The following CD59 variants were observed in gnomAD, a reference collection of about 807,000 sequenced individuals.
CD59 encodes the protein CD59 glycoprotein.
CD59 carries 3 observed loss-of-function variants against 7.0 expected under a neutral mutation model. The observed-to-expected ratio is 0.43, with a 90% CI of 0.19 to 1.10. The LOEUF is 1.10. Among genes scored for constraint, CD59 ranks in the 50% least tolerant of loss-of-function variants. CD59 has a pLI of 0.29. For synonymous variants in CD59, 60 were observed against 62.0 expected, an observed-to-expected ratio of 0.97 and a Z score of 0.15; for missense variants, 143 against 151.0, an observed-to-expected ratio of 0.95 and a Z score of 0.28.
intron 2 of CD59, among the ~76,000 whole-genome samples, chr11:33,720,814 G>A (rs1441194751): frequency 6.6e-6 from 1 of 152,206 alleles, no homozygotes; most frequent in South Asian, 2.1e-4. Flanking sequence ...GGTAGACGAG[G>A]TTTCCCCTGG....
In CD59 at chr11:33,705,274, C is replaced by T. The variant is rs1412224576; in HGVS notation, c.*4852G>A. ...TAGGTCTGTCAGAATTTTCTGTCCA[C>T]AAGCAACAGAAGCTTACACTGAGAA... is the stretch of plus-strand genomic sequence containing the variant. On this transcript the variant is annotated 3_prime_UTR_variant, in exon 4 of 4. Transcript: ENST00000642928. 1 of 152,214 alleles carries T rather than the reference C, an allele frequency of 6.6e-6. No homozygotes were observed. The allele number at this position is 152,214 out of a possible 1,614,324, so 9.4% of individuals were successfully genotyped here.
intron 3 of CD59, chr11:33,711,568 T>C (rs1438972094): frequency 1.7e-6 from 1 of 585,288 alleles, no homozygotes; most frequent in Non-Finnish European, 3.0e-6. Context: ...TCTTAGCTAC[T>C]TGGGAGGCTG....
At chr11:33,713,677 T>C (rs1017069090) in intron 3 of CD59, among the ~76,000 whole-genome samples, 2 of 152,214 alleles carry the variant, frequency 1.3e-5, no homozygotes, top group South Asian at 2.1e-4. Context: ...GAATTTTAAT[T>C]AGGGAAGCCT....
intron 1 of CD59, among the ~76,000 whole-genome samples, chr11:33,724,515 AC>A (rs1486251312): frequency 6.6e-6 from 1 of 152,194 alleles, no homozygotes; most frequent in African/African-American, 2.4e-5. Flanking sequence ...ACTGCATAGC[AC>A]AATGCCTGGC....
chr11:33,724,684 TG>T (rs1854201253), intron 1 of CD59, among the ~76,000 whole-genome samples: 1 of 152,050 alleles, frequency 6.6e-6, no homozygotes, highest in African/African-American at 2.4e-5. Context: ...AGAAACACCC[TG>T]GGTTGAATGA....
chr11:33,717,316 C>T (rs1467733542), intron 3 of CD59, 54 bp downstream of exon 3: 1 of 1,150,844 alleles, frequency 8.7e-7, no homozygotes, highest in African/African-American at 1.5e-5. Flanking sequence ...CAATTTTTTT[C>T]CCAGGCACTT....
chr11:33,729,988 A>G (rs1434439800), intron 1 of CD59, among the ~76,000 whole-genome samples: 3 of 152,118 alleles, frequency 2.0e-5, no homozygotes, highest in South Asian at 2.1e-4. Flanking sequence ...GAGATTTGCA[A>G]TTGAAAAAAC....
intron 2 of CD59, chr11:33,717,732 C>T: frequency 2.3e-6 from 1 of 436,130 alleles, no homozygotes; most frequent in Non-Finnish European, 4.3e-6. Flanking sequence ...TCCTAACCTG[C>T]AACTGGAAGG....
intron 1 of CD59, among the ~76,000 whole-genome samples, chr11:33,732,857 C>T (rs1485449574): frequency 1.3e-5 from 2 of 152,148 alleles, no homozygotes; most frequent in Non-Finnish European, 1.5e-5. Context: ...CCTTGCATGG[C>T]AAGTGACTTT....
rs1853342381 is a variant in CD59 at position 33,707,154 on chromosome 11, G to A, written c.*2972C>T. On this transcript the variant is annotated 3_prime_UTR_variant, in exon 4 of 4. Coordinates refer to ENST00000642928, the MANE Select transcript of CD59 (RefSeq NM_000611.6). ...AGTACTAGCTCCAGCCAGCTGCTCA[G>A]CCCATCAAGAATCCCTCAGGGGGAT... The A allele has an allele frequency of 6.6e-6, 1 of 152,246 alleles. No homozygotes were observed. The highest frequency in any genetic ancestry group is 2.1e-4 in the South Asian group (1 of 4,834). 9.4% of individuals were successfully genotyped at this position (152,246 alleles called of 1,614,324 possible).
intron 2 of CD59, chr11:33,717,785 G>A (rs1033751256): frequency 3.3e-5 from 12 of 361,472 alleles, no homozygotes; most frequent in East Asian, 1.4e-4. Flanking sequence ...AGAAATTACC[G>A]AGAAACAAAC....
At chr11:33,728,488 ATCCTT>A (rs1854321741) in intron 1 of CD59, among the ~76,000 whole-genome samples, 1 of 152,218 alleles carries the variant, frequency 6.6e-6, no homozygotes, top group African/African-American at 2.4e-5. Context: ...CTGAAACTGG[ATCCTT>A]TCCTTACACC....
At chr11:33,729,463 A>G (rs755033509) in intron 1 of CD59, among the ~76,000 whole-genome samples, 2 of 152,070 alleles carry the variant, frequency 1.3e-5, no homozygotes, top group Admixed American at 6.5e-5. Flanking sequence ...TGGGAGTTAA[A>G]CAATGAGAAC....
rs1853239573 is a variant in CD59 at position 33,704,696 on chromosome 11, G to T, written c.*5430C>A. The T allele has an allele frequency of 6.6e-6, 1 of 152,334 alleles. No individual in the cohort carries two copies. The highest frequency in any genetic ancestry group is 1.5e-5 in the Non-Finnish European group (1 of 68,038). The allele number at this position is 152,334 out of a possible 1,614,324, so 9.4% of individuals were successfully genotyped here. A position where few individuals can be genotyped will look rare whatever the true frequency, so the allele number is the denominator to read the frequency against. The stretch of plus-strand genomic sequence containing the variant: ...GGGTCGCCGATTAGCATCAGAGCCG[G>T]CATTTCAAATAGACAGGCCAGCTCT... On this transcript the variant is annotated 3_prime_UTR_variant, in exon 4 of 4. Transcript: ENST00000642928.
At chr11:33,716,145 G>A (rs1044352609) in intron 3 of CD59, among the ~76,000 whole-genome samples, 8 of 152,182 alleles carry the variant, frequency 5.3e-5, no homozygotes, top group Non-Finnish European at 5.9e-5. Context: ...CAAGAGCTCT[G>A]AATGGAAGGT....
intron 1 of CD59, chr11:33,722,699 T>C (rs1854126722): frequency 7.6e-7 from 1 of 1,315,424 alleles, no homozygotes; most frequent in African/African-American, 1.5e-5. Context: ...AATAACACTA[T>C]CTTCCCCATC....
In CD59 at chr11:33,708,977, AATGTCATT is replaced by A. The variant is rs1853429474; in HGVS notation, c.*1141_*1148del. Reference sequence around the variant, plus strand: ...AATACAGCCAAGATCATAAAATACAAATGTCATTAGGTCTACTGAATCTTGAGATTCAT... The same window carrying A: ...AATACAGCCAAGATCATAAAATACAAAGGTCTACTGAATCTTGAGATTCAT... On this transcript the variant is annotated 3_prime_UTR_variant, in exon 4 of 4. Transcript: ENST00000642928. The A allele has an allele frequency of 6.6e-6, 1 of 152,216 alleles. No homozygotes were observed. The highest frequency in any genetic ancestry group is 2.4e-5 in the African/African-American group (1 of 41,450). 9.4% of individuals were successfully genotyped at this position (152,216 alleles called of 1,614,324 possible).
At chr11:33,715,832 G>A (rs556969427) in intron 3 of CD59, among the ~76,000 whole-genome samples, 9 of 152,310 alleles carry the variant, frequency 5.9e-5, no homozygotes, top group Non-Finnish European at 1.0e-4. Context: ...TTTCATAAAT[G>A]AAAAACAGAG....
chr11:33,732,415 A>C (rs1254632937), intron 1 of CD59, among the ~76,000 whole-genome samples: 3 of 152,106 alleles, frequency 2.0e-5, no homozygotes, highest in African/African-American at 7.2e-5. Context: ...CCGCCAAGTA[A>C]GGCATTCTTG....
Sources: gnomAD v4.1 joint callset for allele counts (sites outside exome capture counted in the v4.1 genomes callset) on GRCh38, gnomAD v4.1.1 for gene constraint, MANE v1.5 for transcripts, NCBI Gene and HGNC (gene_info 2026-07-23, HGNC 2026-07-21) for gene names.